Variants in DNAJC1 observed in about 807,000 individuals in gnomAD.
DNAJC1 encodes the protein DnaJ heat shock protein family (Hsp40) member C1, also known as dnaJ homolog subfamily C member 1.
DNAJC1 carries 58 observed loss-of-function variants against 76.6 expected under a neutral mutation model. That is an observed-to-expected ratio of 0.76 (90% CI 0.61 to 0.94). The LOEUF (loss-of-function observed/expected upper bound fraction) is 0.94, where lower values mean the gene tolerates loss of function less well. Among genes scored for constraint, DNAJC1 ranks in the 40% least tolerant of loss-of-function variants. The pLI is 0.00. For synonymous variants in DNAJC1, 258 were observed against 267.9 expected (o/e 0.96, Z 0.36); for missense variants, 689 against 677.3 (o/e 1.02, Z -0.19).
At chr10:21,758,753 C>T (rs1370746479) in intron 11 of DNAJC1, among the ~76,000 whole-genome samples, 1 of 152,240 alleles carries the variant, frequency 6.6e-6, no homozygotes, top group Non-Finnish European at 1.5e-5. Flanking sequence ...GCCAATGGGC[C>T]TTGTGATTTA....
At chr10:21,805,910 T>C (rs187888001) in intron 9 of DNAJC1, 70 bp downstream of exon 9, 2 of 1,594,314 alleles carry the variant, frequency 1.3e-6, no homozygotes, top group Non-Finnish European at 1.7e-6. Context: ...AACCCATCTA[T>C]GTCTGCCTTC....
intron 8 of DNAJC1, among the ~76,000 whole-genome samples, chr10:21,854,853 T>C (rs1248739828): frequency 6.6e-6 from 1 of 152,178 alleles, no homozygotes; most frequent in Non-Finnish European, 1.5e-5. Flanking sequence ...AGAAAATTTC[T>C]AAGAAAATAA....
chr10:21,847,247 C>T (rs1647004453), intron 8 of DNAJC1, among the ~76,000 whole-genome samples: 1 of 152,096 alleles, frequency 6.6e-6, no homozygotes, highest in Non-Finnish European at 1.5e-5. Flanking sequence ...AAATGTCACA[C>T]AGTTAGGATT....
chr10:21,986,831 G>A (rs549686598), intron 1 of DNAJC1, among the ~76,000 whole-genome samples: 3 of 151,990 alleles, frequency 2.0e-5, no homozygotes, highest in East Asian at 1.9e-4. Context: ...GCAATGGCGC[G>A]ATCTCAGCTC....
intron 8 of DNAJC1, among the ~76,000 whole-genome samples, chr10:21,827,059 A>T (rs1441356152): frequency 1.3e-5 from 2 of 152,068 alleles, no homozygotes; most frequent in Non-Finnish European, 2.9e-5. Flanking sequence ...TTTTAATAAC[A>T]TTAAGTCTTC....
At chr10:21,815,995 C>T (rs369948380) in intron 8 of DNAJC1, among the ~76,000 whole-genome samples, 24 of 151,490 alleles carry the variant, frequency 1.6e-4, no homozygotes, top group African/African-American at 2.2e-4. Flanking sequence ...CCGCCTGTAT[C>T]GGCCTCCCAA....
At chr10:21,962,459 C>CTTTTTTTTTTTTTTTT (rs34817098) in intron 1 of DNAJC1, among the ~76,000 whole-genome samples, 1 of 39,890 alleles carries the variant, frequency 2.5e-5, no homozygotes, top group Non-Finnish European at 4.0e-5. Context: ...TATTTTATTG[C>CTTTTTTTTTTTTTTTT]TTTTTTTTTT....
At chr10:21,829,023 T>G (rs1835310371) in intron 8 of DNAJC1, among the ~76,000 whole-genome samples, 1 of 152,056 alleles carries the variant, frequency 6.6e-6, no homozygotes, top group African/African-American at 2.4e-5. Flanking sequence ...TCTTATTTTT[T>G]CCATCCCTTT....
At chr10:21,959,175 G>C (rs1379906294) in intron 1 of DNAJC1, among the ~76,000 whole-genome samples, 2 of 151,908 alleles carry the variant, frequency 1.3e-5, no homozygotes, top group Non-Finnish European at 2.9e-5. Flanking sequence ...CCTAGGCTAG[G>C]ATGCAGTGGT....
At chr10:21,805,927 G>T in intron 9 of DNAJC1, 53 bp downstream of exon 9, 1 of 1,604,468 alleles carries the variant, frequency 6.2e-7, no homozygotes. Context: ...CTTCTACATA[G>T]CTGACTTGTT....
intron 8 of DNAJC1, among the ~76,000 whole-genome samples, chr10:21,842,868 A>G (rs745404744): frequency 6.6e-6 from 1 of 152,226 alleles, no homozygotes; most frequent in Non-Finnish European, 1.5e-5. Context: ...AAAATCTACT[A>G]TCTCTCTAGT....
chr10:21,850,548 T>C (rs1233257887), intron 8 of DNAJC1, among the ~76,000 whole-genome samples: 2 of 151,354 alleles, frequency 1.3e-5, no homozygotes, highest in African/African-American at 4.8e-5. Flanking sequence ...TTTTTTTTTT[T>C]ACTTAGTGCT....
chr10:21,862,235 A>G (rs1322371831), intron 8 of DNAJC1, among the ~76,000 whole-genome samples: 1 of 151,460 alleles, frequency 6.6e-6, no homozygotes, highest in Non-Finnish European at 1.5e-5. Context: ...TTCTTAATAA[A>G]CTTGCTTTTA....
chr10:21,890,544 G>A (rs1836445606), intron 7 of DNAJC1, among the ~76,000 whole-genome samples: 1 of 151,928 alleles, frequency 6.6e-6, no homozygotes, highest in African/African-American at 2.4e-5. Flanking sequence ...CAGTAAGTAG[G>A]TATTCCTGCT....
intron 8 of DNAJC1, among the ~76,000 whole-genome samples, chr10:21,837,144 C>T (rs547476822): frequency 3.9e-5 from 6 of 152,350 alleles, no homozygotes; most frequent in East Asian, 1.9e-4. Flanking sequence ...AGCTCCTAAC[C>T]GCGAGTGATC....
In DNAJC1 at chr10:21,766,293, T is replaced by C. The variant is rs1423618900; in HGVS notation, c.1115A>G (p.Lys372Arg). 2.5e-6 allele frequency: 4 copies of C among 1,613,828 alleles called. No homozygotes were observed. In the African/African-American group the frequency reaches 4.0e-5, roughly 16 times the overall value. ...RSVTDVTTKA[K>R]QLKDSVTCSP... ...GCAGGTCACTGAATCCTTCAGTTGC[T>C]TGGCTTTGGTTGTCACCTGTTTCAA... The change falls in exon 10 of 12, where the codon AAG (lysine) becomes AGG (arginine). Residue 372 changes from lysine to arginine, a missense_variant. Coordinates refer to ENST00000376980, the MANE Select transcript of DNAJC1 (RefSeq NM_022365.4).
At chr10:21,959,413 C>A (rs908108553) in intron 1 of DNAJC1, among the ~76,000 whole-genome samples, 8 of 152,102 alleles carry the variant, frequency 5.3e-5, no homozygotes, top group African/African-American at 1.9e-4. Context: ...CAGGTATGAG[C>A]TACTGCGCCC....
chr10:21,760,336 T>G (rs973578355), intron 10 of DNAJC1, among the ~76,000 whole-genome samples: 2 of 152,198 alleles, frequency 1.3e-5, no homozygotes, highest in Non-Finnish European at 2.9e-5. Flanking sequence ...TAGGACAGAA[T>G]AGATGACAGA....
intron 1 of DNAJC1, among the ~76,000 whole-genome samples, chr10:21,932,834 G>A (rs1455551526): frequency 2.6e-5 from 4 of 152,072 alleles, no homozygotes; most frequent in African/African-American, 9.7e-5. Flanking sequence ...TGTTGCCCAG[G>A]CTGGTCTCAA....
Sources: gnomAD v4.1 joint callset for allele counts (sites outside exome capture counted in the v4.1 genomes callset) on GRCh38, gnomAD v4.1.1 for gene constraint, MANE v1.5 for transcripts, NCBI Gene and HGNC (gene_info 2026-07-23, HGNC 2026-07-21) for gene names.